Variants in ZMIZ1 observed in about 807,000 individuals in gnomAD.
ZMIZ1 encodes zinc finger MIZ-type containing 1.
Under a neutral mutation model 113.9 loss-of-function variants are expected in ZMIZ1, and 17 were observed. The observed-to-expected ratio is 0.15, with a 90% confidence interval of 0.10 to 0.22. ZMIZ1 has a LOEUF of 0.22. Ranked by LOEUF, ZMIZ1 falls within the 10% of genes least tolerant of loss-of-function variation. ZMIZ1 has a pLI of 1.00. For synonymous variants in ZMIZ1, 607 were observed against 603.1 expected, an observed-to-expected ratio of 1.01 and a Z score of -0.09; for missense variants, 1,059 against 1,477.8, an observed-to-expected ratio of 0.72 and a Z score of 4.65.
chr10:79,139,997 T>C lies in ZMIZ1; in HGVS notation c.-131+220T>C, dbSNP rs573720938. On this transcript the variant is annotated intron_variant, in intron 3 of 24. Transcript: ENST00000334512. ...GCTTCTGGGTGTCAGTTTGTCTGTC[T>C]CCAAAATGGGGCACTGGGCTCAGGT... Among the ~76,000 whole-genome samples, 31 of 152,330 alleles carry C rather than the reference T, an allele frequency of 2.0e-4. No homozygotes were observed. The East Asian group carries it at 6.0e-3, about 29-fold the overall frequency.
intron 1 of ZMIZ1, among the ~76,000 whole-genome samples, chr10:79,095,099 T>C (rs565241077): frequency 2.6e-4 from 39 of 152,334 alleles, no homozygotes; most frequent in African/African-American, 9.1e-4. Flanking sequence ...CCTAGGTTCA[T>C]ATCCTGTGTC....
chr10:79,264,626 G>A (rs1247743428), intron 7 of ZMIZ1, among the ~76,000 whole-genome samples: 1 of 152,204 alleles, frequency 6.6e-6, no homozygotes, highest in East Asian at 1.9e-4. Context: ...TGTGCACTGA[G>A]GCACAGTATC....
In ZMIZ1 at chr10:79,313,956, G is replaced by A. The variant is rs1213910712; in HGVS notation, c.*1207G>A. 14 of 431,316 alleles carry A rather than the reference G, an allele frequency of 3.2e-5. No individual in the cohort carries two copies. The highest frequency in any genetic ancestry group is 1.4e-4 in the East Asian group (2 of 14,308). The allele number at this position is 431,316 out of a possible 1,614,324, so 26.7% of individuals were successfully genotyped here. On this transcript the variant is annotated 3_prime_UTR_variant, in exon 25 of 25. Coordinates refer to ENST00000334512, the MANE Select transcript of ZMIZ1 (RefSeq NM_020338.4). ...TGTCCCTGTGCTCCAAGCTGCCCCC[G>A]GCTGCAGCCCAGGCCATGGACATGT... is the stretch of plus-strand genomic sequence containing the variant.
intron 4 of ZMIZ1, among the ~76,000 whole-genome samples, chr10:79,184,078 G>T (rs1348423565): frequency 2.0e-5 from 3 of 152,196 alleles, no homozygotes; most frequent in Non-Finnish European, 1.5e-5. Flanking sequence ...GTGGGATACT[G>T]GACAGGGCCT....
chr10:79,071,612 C>T (rs1842289120), intron 1 of ZMIZ1, among the ~76,000 whole-genome samples: 1 of 152,228 alleles, frequency 6.6e-6, no homozygotes, highest in African/African-American at 2.4e-5. Flanking sequence ...GGGGAAATTC[C>T]TGGCCCCTCA....
chr10:79,150,429 A>G (rs1419914844), intron 3 of ZMIZ1, among the ~76,000 whole-genome samples: 1 of 152,086 alleles, frequency 6.6e-6, no homozygotes, highest in African/African-American at 2.4e-5. Flanking sequence ...CCCGTCCTGC[A>G]CCCCCCACAC....
In ZMIZ1 at chr10:79,211,598, T is replaced by C. The variant is rs114743794; in HGVS notation, c.174+3149T>C. Among the ~76,000 whole-genome samples the C allele has an allele frequency of 5.7e-3, 865 of 152,316 alleles. 4 individuals are homozygous for C. Among genetic ancestry groups the C allele is most frequent in the African/African-American group, 0.02 (814 of 41,566 alleles). ...TAGCCCCGAGCAGCAAATGGACACATTTCTGTCATACTCACTTCTAAGCAG... is the reference window on the plus strand; with the variant it reads ...TAGCCCCGAGCAGCAAATGGACACACTTCTGTCATACTCACTTCTAAGCAG... On this transcript the variant is annotated intron_variant, in intron 6 of 24. Coordinates refer to ENST00000334512, the MANE Select transcript of ZMIZ1 (RefSeq NM_020338.4).
chr10:79,081,537 G>C (rs1842657990), intron 1 of ZMIZ1, among the ~76,000 whole-genome samples: 2 of 152,196 alleles, frequency 1.3e-5, no homozygotes, highest in Non-Finnish European at 2.9e-5. Flanking sequence ...TGTCTTCCTA[G>C]CCTCTTGCAG....
rs1842182298 is a variant in ZMIZ1, at chr10:79,069,619, C to T, written c.-337+349C>T. On this transcript the variant is annotated intron_variant, in intron 1 of 24. Coordinates refer to ENST00000334512, the MANE Select transcript of ZMIZ1 (RefSeq NM_020338.4). This position sits in a 1 kb window ranked among gnomAD's most constrained non-coding sequence, Gnocchi z 4.6. Reference sequence around the variant, plus strand: ...GCCCTCGCTCCCTACACCCGGGGGCCGGGCAGGACCGGGAATCGGAGGAGG... The same window carrying T: ...GCCCTCGCTCCCTACACCCGGGGGCTGGGCAGGACCGGGAATCGGAGGAGG... Among the ~76,000 whole-genome samples, 1 of 151,842 alleles carries T rather than the reference C, an allele frequency of 6.6e-6. No homozygotes were observed. Among genetic ancestry groups the T allele is most frequent in the African/African-American group, 2.4e-5 (1 of 41,340 alleles).
intron 2 of ZMIZ1, among the ~76,000 whole-genome samples, chr10:79,119,373 C>G (rs1258104500): frequency 6.6e-6 from 1 of 152,222 alleles, no homozygotes; most frequent in Non-Finnish European, 1.5e-5. Flanking sequence ...AAGCACTTAA[C>G]TGTATTCTGG....
chr10:79,230,214 T>G (rs1045966888), intron 7 of ZMIZ1, among the ~76,000 whole-genome samples: 4 of 150,498 alleles, frequency 2.7e-5, no homozygotes, highest in Non-Finnish European at 4.4e-5. Flanking sequence ...TTCTCCTCCT[T>G]TCCCTCTCTC....
chr10:79,210,646 G>A (rs1403866675), intron 6 of ZMIZ1, among the ~76,000 whole-genome samples: 1 of 152,242 alleles, frequency 6.6e-6, no homozygotes, highest in African/African-American at 2.4e-5. Context: ...TCAGGTGGCT[G>A]GAGCCCAGGG....
intron 2 of ZMIZ1, among the ~76,000 whole-genome samples, chr10:79,134,609 C>G (rs764605896): frequency 9.9e-5 from 15 of 152,240 alleles, no homozygotes; most frequent in Admixed American, 3.3e-4. Context: ...GCTAGGCTTT[C>G]TCCCAACCTG....
intron 1 of ZMIZ1, among the ~76,000 whole-genome samples, chr10:79,078,719 A>ATTTTTTTTTTTT (rs10673987): frequency 2.4e-5 from 3 of 125,082 alleles, no homozygotes; most frequent in Non-Finnish European, 3.3e-5. Context: ...TAATTTTTGT[A>ATTTTTTTTTTTT]TTTTTTTTTT....
intron 1 of ZMIZ1, among the ~76,000 whole-genome samples, chr10:79,071,642 AGTGCAGGG>A (rs1842289986): frequency 6.6e-6 from 1 of 152,148 alleles, no homozygotes; most frequent in African/African-American, 2.4e-5. Context: ...TCCTGGCCCC[AGTGCAGGG>A]GCCGGGTGGG....
At chr10:79,193,499 G>A (rs1321415824) in intron 4 of ZMIZ1, among the ~76,000 whole-genome samples, 1 of 152,158 alleles carries the variant, frequency 6.6e-6, no homozygotes, top group Non-Finnish European at 1.5e-5. Context: ...TGGTTCTCAT[G>A]TACACCCAGC....
intron 3 of ZMIZ1, among the ~76,000 whole-genome samples, chr10:79,157,387 G>A (rs1255892383): frequency 2.0e-5 from 3 of 151,906 alleles, no homozygotes; most frequent in Non-Finnish European, 4.4e-5. Flanking sequence ...GTGTGTGTGT[G>A]TGTGTGTGTG....
intron 24 of ZMIZ1, among the ~76,000 whole-genome samples, chr10:79,311,514 G>A (rs761581688): frequency 2.5e-4 from 38 of 152,170 alleles, no homozygotes; most frequent in Non-Finnish European, 4.1e-4. Context: ...GTGAGCTTGC[G>A]GTTTCTGTGT....
intron 4 of ZMIZ1, among the ~76,000 whole-genome samples, chr10:79,198,300 T>C (rs974141521): frequency 1.3e-5 from 2 of 152,136 alleles, no homozygotes; most frequent in Admixed American, 1.3e-4. Flanking sequence ...AGAAGAAGCA[T>C]GTACAGATGA....
Sources: gnomAD v4.1 joint callset for allele counts (sites outside exome capture counted in the v4.1 genomes callset) on GRCh38, gnomAD v4.1.1 for gene constraint, Gnocchi (gnomAD v3.1) non-coding constraint, MANE v1.5 for transcripts, NCBI Gene and HGNC (gene_info 2026-07-23, HGNC 2026-07-21) for gene names.